Variants in DNAH12 observed in about 807,000 individuals in gnomAD.
The protein encoded by DNAH12 is axonemal beta dynein heavy chain 12.
In DNAH12, 285 loss-of-function variants were observed where a neutral mutation model predicts 371.5. The ratio of observed to expected loss-of-function variants is 0.77; its 90% CI spans 0.70 to 0.85. The LOEUF is 0.85. DNAH12 is among the 40% of genes least tolerant of loss of function. The pLI is 0.00. For synonymous variants in DNAH12, 1,200 were observed against 1,213.0 expected, an observed-to-expected ratio of 0.99 and a Z score of 0.22; for missense variants, 3,611 against 3,689.4, an observed-to-expected ratio of 0.98 and a Z score of 0.55.
upstream of DNAH12, among the ~76,000 whole-genome samples, chr3:57,545,324 CTTT>C (rs745384362): frequency 7.5e-6 from 1 of 134,216 alleles, no homozygotes. Context: ...TTTTTCTTTT[CTTT>C]TTTTTTTTTT....
At chr3:57,498,332 T>C (rs2067386977) in intron 11 of DNAH12, 1 of 583,350 alleles carries the variant, frequency 1.7e-6, no homozygotes, top group African/African-American at 1.9e-5. Flanking sequence ...TTCTGTTTTT[T>C]GAGACAAAGA....
upstream of DNAH12, among the ~76,000 whole-genome samples, chr3:57,548,380 C>A (rs1010303023): frequency 6.6e-6 from 1 of 152,082 alleles, no homozygotes; most frequent in African/African-American, 2.4e-5. Flanking sequence ...CTTTGGGAAG[C>A]CTGTCAAGTA....
chr3:57,415,694 T>C (rs2064351403), intron 37 of DNAH12, 130 bp from the exon 38 acceptor site: 7 of 863,564 alleles, frequency 8.1e-6, no homozygotes, highest in Admixed American at 3.7e-5. Context: ...TTTTTACCTA[T>C]AGTTATTTCA....
chr3:57,343,205 T>C (rs1385345744), intron 60 of DNAH12, among the ~76,000 whole-genome samples: 3 of 152,056 alleles, frequency 2.0e-5, no homozygotes, highest in Admixed American at 1.3e-4. Flanking sequence ...GAAAGAGAGA[T>C]CAGACTGTTA....
intron 45 of DNAH12, among the ~76,000 whole-genome samples, chr3:57,391,220 C>T (rs950461362): frequency 0.45 from 68,621 of 151,942 alleles, 16,467 homozygotes; most frequent in East Asian, 0.61. Flanking sequence ...AAGCAGAGTG[C>T]CCTCCCTAAT....
At chr3:57,361,432 T>TATAC (rs2062927947) in intron 58 of DNAH12, among the ~76,000 whole-genome samples, 1 of 126,360 alleles carries the variant, frequency 7.9e-6, no homozygotes, top group African/African-American at 3.5e-5. Context: ...TATATATATA[T>TATAC]ACACACACAC....
intron 55 of DNAH12, among the ~76,000 whole-genome samples, chr3:57,369,329 T>C (rs1310740492): frequency 9.8e-5 from 13 of 132,552 alleles, no homozygotes; most frequent in Admixed American, 1.7e-4. Flanking sequence ...ATATATTTAA[T>C]ATTTATAAAT....
chr3:57,444,070 G>A (rs376588314), intron 29 of DNAH12, among the ~76,000 whole-genome samples: 10 of 151,792 alleles, frequency 6.6e-5, no homozygotes, highest in East Asian at 5.8e-4. Flanking sequence ...GCATGGTGGC[G>A]CTTGCCTGTA....
chr3:57,306,490 G>A (rs1371857132), intron 69 of DNAH12, among the ~76,000 whole-genome samples: 3 of 151,920 alleles, frequency 2.0e-5, no homozygotes, highest in Non-Finnish European at 2.9e-5. Context: ...CTATTCCTGG[G>A]CTACAGCCAC....
chr3:57,448,063 A>G (rs2065582725), intron 25 of DNAH12, among the ~76,000 whole-genome samples: 2 of 152,340 alleles, frequency 1.3e-5, no homozygotes, highest in South Asian at 4.1e-4. Context: ...TTTCAATTTT[A>G]AGAAAATGTT....
chr3:57,540,831 A>G (rs1343873952), intron 2 of DNAH12, among the ~76,000 whole-genome samples: 1 of 151,936 alleles, frequency 6.6e-6, no homozygotes, highest in Non-Finnish European at 1.5e-5. Flanking sequence ...TTGAGAGGCT[A>G]AGATGGGAGG....
intron 13 of DNAH12, among the ~76,000 whole-genome samples, chr3:57,478,904 T>C (rs1405556938): frequency 6.6e-6 from 1 of 152,094 alleles, no homozygotes; most frequent in African/African-American, 2.4e-5. Context: ...AGGCCTGCCC[T>C]AAAAGAGCTC....
At chr3:57,428,505 G>A (rs1434078590) in intron 34 of DNAH12, 128 bp downstream of exon 34, 15 of 1,526,436 alleles carry the variant, frequency 9.8e-6, no homozygotes, top group South Asian at 6.4e-5. Context: ...TAAAACCAAC[G>A]GTGGATAGTA....
Position 57,509,144 on chromosome 3 carries a change from GAGATTC to G in DNAH12, c.532_537del (p.Glu178_Ser179del). The G allele has an allele frequency of 6.2e-7, 1 of 1,611,626 alleles. No homozygotes were observed. The highest frequency in any genetic ancestry group is 2.2e-5 in the East Asian group (1 of 44,828). ...TTTTTAAAATAATTTACTCACACAG[GAGATTC>G]AGGTAAAGGACCTCCTTCATCTTCA... On this transcript the variant is annotated inframe_deletion, in exon 6 of 74. Transcript: ENST00000495027.
At chr3:57,491,694 G>A (rs950030076) in intron 11 of DNAH12, among the ~76,000 whole-genome samples, 2 of 152,018 alleles carry the variant, frequency 1.3e-5, no homozygotes, top group Non-Finnish European at 2.9e-5. Flanking sequence ...CCAGCACTTT[G>A]GGAGACTGAG....
In DNAH12 at chr3:57,461,630, A is replaced by AAAAGC; in HGVS notation, c.2590_2594dup (p.Phe865LeufsTer5). Reference sequence around the variant, plus strand: ...CAGTGTCACGATACAGACTTATATGAAAAGCAATATCTTCCCAAGTTCCTA... The same window carrying AAAAGC: ...CAGTGTCACGATACAGACTTATATGAAAAGCAAAGCAATATCTTCCCAAGTTCCTA... On this transcript the variant is annotated frameshift_variant, in exon 19 of 74. Transcript: ENST00000495027. LOFTEE classifies it high-confidence loss of function. 1 of 1,551,294 alleles carries AAAAGC rather than the reference A, an allele frequency of 6.4e-7. No individual in the cohort carries two copies. Among genetic ancestry groups the AAAAGC allele is most frequent in the African/African-American group, 1.4e-5 (1 of 73,136 alleles).
chr3:57,548,562 A>T (rs2069595638), upstream of DNAH12, among the ~76,000 whole-genome samples: 1 of 152,102 alleles, frequency 6.6e-6, no homozygotes, highest in Non-Finnish European at 1.5e-5. Flanking sequence ...TTTCTTAGCC[A>T]GGCGTTGGTG....
intron 62 of DNAH12, among the ~76,000 whole-genome samples, chr3:57,330,955 A>T (rs984982129): frequency 6.6e-6 from 1 of 152,198 alleles, no homozygotes; most frequent in Non-Finnish European, 1.5e-5. Context: ...GAACAGAGGG[A>T]AACAAGTAGA....
At chr3:57,430,275 T>A (rs1437892534) in intron 32 of DNAH12, among the ~76,000 whole-genome samples, 2 of 152,192 alleles carry the variant, frequency 1.3e-5, no homozygotes, top group African/African-American at 4.8e-5. Context: ...AGACATCACA[T>A]CATGGCATTT....
Sources: gnomAD v4.1 joint callset for allele counts (sites outside exome capture counted in the v4.1 genomes callset) on GRCh38, gnomAD v4.1.1 for gene constraint, MANE v1.5 for transcripts, NCBI Gene and HGNC (gene_info 2026-07-23, HGNC 2026-07-21) for gene names.